Variants in PDE1C observed in about 807,000 individuals in gnomAD.
The protein encoded by PDE1C is dual specificity calcium/calmodulin-dependent 3',5'-cyclic nucleotide phosphodiesterase 1C.
In PDE1C, 62 loss-of-function variants were observed where a neutral mutation model predicts 93.1. The observed-to-expected ratio is 0.67, with a 90% CI of 0.54 to 0.82. The LOEUF (loss-of-function observed/expected upper bound fraction) is 0.82. PDE1C is among the 40% of genes least tolerant of loss of function. The probability of loss-of-function intolerance (pLI) is 0.00; values close to 1 mark genes in which losing one functional copy is unlikely to be tolerated. For missense variants in PDE1C, 742 were observed against 884.6 expected, an observed-to-expected ratio of 0.84 and a Z score of 2.04; for synonymous variants, 325 against 310.1, an observed-to-expected ratio of 1.05 and a Z score of -0.50.
At chr7:32,240,006 A>C (rs1282154051) in intron 1 of PDE1C, among the ~76,000 whole-genome samples, 1 of 152,172 alleles carries the variant, frequency 6.6e-6, no homozygotes, top group Admixed American at 6.5e-5. Flanking sequence ...CTGGATCCTG[A>C]ATTGGGCCCC....
At position 32,185,786 on chromosome 7, in the gene PDE1C, A is replaced by G. The variant is rs143806086; in HGVS notation, c.137-15830T>C. On this transcript the variant is annotated intron_variant, in intron 2 of 18. Coordinates refer to the PDE1C transcript ENST00000396193. ...TTAAATTTGGAATAACTAAAATTTA[A>G]TAAAATCAAAAATCCACTTCTTTAG... is the stretch of plus-strand genomic sequence containing the variant. Among the ~76,000 whole-genome samples the G allele has an allele frequency of 1.2e-3, 180 of 152,336 alleles. 2 individuals carry two copies. The highest frequency in any genetic ancestry group is 4.1e-3 in the African/African-American group (172 of 41,580).
At chr7:31,835,475 C>G (rs961611870) in intron 11 of PDE1C, among the ~76,000 whole-genome samples, 1 of 151,848 alleles carries the variant, frequency 6.6e-6, no homozygotes, top group Non-Finnish European at 1.5e-5. Flanking sequence ...TAACCATAAA[C>G]TAAATAGGGT....
chr7:32,346,142 G>A (rs1783849283), intron 1 of PDE1C, among the ~76,000 whole-genome samples: 1 of 152,194 alleles, frequency 6.6e-6, no homozygotes, highest in African/African-American at 2.4e-5. Context: ...CAACTTCATG[G>A]CACACAACAG....
At chr7:31,647,713 C>T in the PDE1C span, among the ~76,000 whole-genome samples, 1 of 104,912 alleles carries the variant, frequency 9.5e-6, no homozygotes, top group Non-Finnish European at 2.0e-5. Context: ...AAGAAGAAGA[C>T]GATGACGACA....
rs1223997564 is a variant in PDE1C, at chr7:32,298,838, C to G, written c.-103G>C. ...CGGGGCTCGGCGGCGAATCCTCCCC[C>G]GGCCGCGCCGCGCTGTCACTCTCAG... On this transcript the variant is annotated 5_prime_UTR_variant, in exon 1 of 19. Coordinates refer to the PDE1C transcript ENST00000396193. 6.3e-6 allele frequency: 9 copies of G among 1,429,752 alleles called. No individual in the cohort carries two copies. In the East Asian group the frequency reaches 8.4e-5, roughly 13 times the overall value. The allele number at this position is 1,429,752 out of a possible 1,614,324, so 88.6% of individuals were successfully genotyped here.
the PDE1C span, among the ~76,000 whole-genome samples, chr7:31,627,486 C>T: frequency 1.3e-5 from 2 of 151,708 alleles, no homozygotes; most frequent in Admixed American, 1.3e-4. Context: ...GGCAATACCC[C>T]ATCTCTACAA....
At chr7:32,085,746 C>T (rs1797029725) in intron 3 of PDE1C, among the ~76,000 whole-genome samples, 1 of 151,944 alleles carries the variant, frequency 6.6e-6, no homozygotes, top group Non-Finnish European at 1.5e-5. Context: ...GAACCAAAGA[C>T]AAAAACCACA....
chr7:31,886,787 A>C (rs1469098859), intron 2 of PDE1C, among the ~76,000 whole-genome samples: 1 of 138,202 alleles, frequency 7.2e-6, no homozygotes, highest in African/African-American at 2.9e-5. Context: ...TTCAGAATAG[A>C]TCTTTTCGGA....
chr7:31,637,216 T>G, the PDE1C span, among the ~76,000 whole-genome samples: 1 of 152,162 alleles, frequency 6.6e-6, no homozygotes, highest in Non-Finnish European at 1.5e-5. Context: ...TGTGTCTTTA[T>G]AGCAGCATGA....
At chr7:32,220,814 T>A (rs777280195) in intron 1 of PDE1C, among the ~76,000 whole-genome samples, 1 of 152,010 alleles carries the variant, frequency 6.6e-6, no homozygotes, top group Non-Finnish European at 1.5e-5. Context: ...CGAGACTCCA[T>A]CTCAAAAAAA....
chr7:32,346,901 C>T (rs1188883888), intron 1 of PDE1C, among the ~76,000 whole-genome samples: 1 of 152,140 alleles, frequency 6.6e-6, no homozygotes, highest in East Asian at 1.9e-4. Context: ...AATCAGAAAG[C>T]AGTTTTGTGG....
intron 1 of PDE1C, among the ~76,000 whole-genome samples, chr7:32,400,237 C>T (rs994918334): frequency 6.6e-6 from 1 of 152,164 alleles, no homozygotes; most frequent in Admixed American, 6.6e-5. Flanking sequence ...CTGGCACAGA[C>T]GTGTCTAGCA....
intron 1 of PDE1C, among the ~76,000 whole-genome samples, chr7:32,274,087 G>A (rs1368575398): frequency 6.6e-6 from 1 of 151,834 alleles, no homozygotes; most frequent in African/African-American, 2.4e-5. Context: ...AACTAGAAGG[G>A]GTCTTAGAAA....
chr7:32,135,935 A>G (rs1247308241), intron 3 of PDE1C, among the ~76,000 whole-genome samples: 2 of 152,216 alleles, frequency 1.3e-5, no homozygotes, highest in Non-Finnish European at 2.9e-5. Context: ...ATTAAGAAGA[A>G]AATTCTGCCA....
chr7:32,265,792 G>A (rs111342343), intron 1 of PDE1C, among the ~76,000 whole-genome samples: 16 of 152,206 alleles, frequency 1.1e-4, no homozygotes, highest in African/African-American at 3.9e-4. Flanking sequence ...AGAACACTTG[G>A]TATTACGCAT....
At chr7:31,922,079 C>T (rs976977717) in intron 2 of PDE1C, among the ~76,000 whole-genome samples, 1 of 152,142 alleles carries the variant, frequency 6.6e-6, no homozygotes, top group African/African-American at 2.4e-5. Flanking sequence ...ACCTCTTAAA[C>T]TCTTTATTAT....
chr7:31,987,514 A>T (rs929444273), intron 2 of PDE1C, among the ~76,000 whole-genome samples: 1 of 152,320 alleles, frequency 6.6e-6, no homozygotes, highest in African/African-American at 2.4e-5. Context: ...GAACTTAGAA[A>T]GTAAGAAAAA....
chr7:32,130,363 C>A (rs1404160401), intron 3 of PDE1C, among the ~76,000 whole-genome samples: 2 of 152,088 alleles, frequency 1.3e-5, no homozygotes, highest in Non-Finnish European at 2.9e-5. Context: ...TAGGTCAAGA[C>A]ATGAATGTTA....
chr7:32,074,846 G>A (rs73318391), upstream of PDE1C, among the ~76,000 whole-genome samples: 746 of 152,300 alleles, frequency 4.9e-3, 8 homozygotes, highest in African/African-American at 0.017. Context: ...ATCCACAAAC[G>A]TTTTGTGTGG....
Sources: allele counts gnomAD v4.1 joint callset (sites outside exome capture counted in the v4.1 genomes callset), GRCh38; gene constraint gnomAD v4.1.1; transcripts MANE v1.5; gene names NCBI Gene and HGNC (gene_info 2026-07-23, HGNC 2026-07-21).